Variants in PDXK observed in about 807,000 individuals in gnomAD.
PDXK encodes the protein epididymis secretory sperm binding protein Li 1a.
In PDXK, 15 loss-of-function variants were observed where a neutral mutation model predicts 43.2. The ratio of observed to expected loss-of-function variants is 0.35; its 90% confidence interval spans 0.23 to 0.53. The LOEUF is 0.53. Ranked by LOEUF, PDXK falls within the 20% of genes least tolerant of loss-of-function variation. The pLI is 0.92. For missense variants in PDXK, 343 were observed against 417.0 expected, an observed-to-expected ratio of 0.82 and a Z score of 1.54; for synonymous variants, 172 against 165.4, an observed-to-expected ratio of 1.04 and a Z score of -0.31.
In PDXK at chr21:43,737,352, C is replaced by T. The variant is rs376087472; in HGVS notation, c.142+3229C>T. 108 of 1,299,600 alleles carry T rather than the reference C, an allele frequency of 8.3e-5. 1 individual carries two copies. In the African/African-American group the frequency reaches 1.5e-3, roughly 19 times the overall value. 80.5% of individuals were successfully genotyped at this position (1,299,600 alleles called of 1,614,324 possible). A position where few individuals can be genotyped will look rare whatever the true frequency, so the allele number is the denominator to read the frequency against. The stretch of plus-strand genomic sequence containing the variant: ...CCGGCCAGGCCCCCGTTCCTTGAGG[C>T]CGTACCACAAGGTGCGTTCATTTTT... On this transcript the variant is annotated intron_variant, in intron 2 of 10. Coordinates refer to ENST00000291565, the MANE Select transcript of PDXK (RefSeq NM_003681.5). The surrounding 1 kb of genome is among the most constrained non-coding windows in gnomAD (Gnocchi z 4.8).
rs2083422391 is a variant in PDXK, at chr21:43,737,335, GC to G, written c.142+3217del. On this transcript the variant is annotated intron_variant, in intron 2 of 10. Coordinates refer to ENST00000291565, the MANE Select transcript of PDXK (RefSeq NM_003681.5). The surrounding 1 kb of genome is among the most constrained non-coding windows in gnomAD (Gnocchi z 4.8). ...CACTTCTGCCCCTTCCCCCGGCCAG[GC>G]CCCCGTTCCTTGAGGCCGTACCACA... 3.6e-5 allele frequency: 48 copies of G among 1,339,362 alleles called. No homozygotes were observed. In the South Asian group the frequency reaches 7.8e-4, roughly 22 times the overall value. 83.0% of individuals were successfully genotyped at this position (1,339,362 alleles called of 1,614,324 possible).
intron 7 of PDXK, 38 bp from the exon 8 acceptor site, chr21:43,752,480 T>A: frequency 1.4e-6 from 2 of 1,403,382 alleles, no homozygotes; most frequent in Non-Finnish European, 1.0e-6. Flanking sequence ...GGCTGACATG[T>A]GACCGGCCGT....
intron 5 of PDXK, among the ~76,000 whole-genome samples, chr21:43,746,927 G>A (rs2083648854): frequency 6.6e-6 from 1 of 152,154 alleles, no homozygotes; most frequent in Admixed American, 6.5e-5. Context: ...GAGCCCAGGA[G>A]TTCAAGACCA....
chr21:43,752,102 TGTG>T (rs1459329680), intron 7 of PDXK, among the ~76,000 whole-genome samples: 1 of 33,470 alleles, frequency 3.0e-5, no homozygotes, highest in African/African-American at 1.6e-4. Context: ...ATGCAGCACA[TGTG>T]TGTGTGTGTG....
chr21:43,721,529 T>C (rs999124570), intron 1 of PDXK, among the ~76,000 whole-genome samples: 38 of 152,350 alleles, frequency 2.5e-4, no homozygotes, highest in African/African-American at 9.1e-4. Flanking sequence ...TTATGGGGAC[T>C]GACCCAGGTG....
At chr21:43,742,043 A>C (rs1282634323) in intron 3 of PDXK, among the ~76,000 whole-genome samples, 1 of 152,106 alleles carries the variant, frequency 6.6e-6, no homozygotes, top group Non-Finnish European at 1.5e-5. Flanking sequence ...GGGAGGGTGC[A>C]GGCAGGGTGT....
intron 5 of PDXK, among the ~76,000 whole-genome samples, chr21:43,748,745 G>A (rs2083681340): frequency 6.6e-6 from 1 of 152,038 alleles, no homozygotes; most frequent in African/African-American, 2.4e-5. Flanking sequence ...ACTCTGTGGG[G>A]ACCCACTGTG....
At chr21:43,750,091 C>G (rs2083708156) in intron 6 of PDXK, among the ~76,000 whole-genome samples, 2 of 152,212 alleles carry the variant, frequency 1.3e-5, no homozygotes, top group African/African-American at 4.8e-5. Context: ...TGGGCCTGTC[C>G]AAACTTGGGG....
chr21:43,737,050 C>T lies in PDXK; in HGVS notation c.142+2927C>T. 1.4e-6 allele frequency: 1 copy of T among 732,988 alleles called. No individual in the cohort carries two copies. Among genetic ancestry groups the T allele is most frequent in the Non-Finnish European group, 2.4e-6 (1 of 412,700 alleles). 45.4% of individuals were successfully genotyped at this position (732,988 alleles called of 1,614,324 possible). A position where few individuals can be genotyped will look rare whatever the true frequency, so the allele number is the denominator to read the frequency against. On this transcript the variant is annotated intron_variant, in intron 2 of 10. Coordinates refer to ENST00000291565, the MANE Select transcript of PDXK (RefSeq NM_003681.5). This position sits in a 1 kb window ranked among gnomAD's most constrained non-coding sequence, Gnocchi z 4.8. ...TGGGCTGAAGCAATCTTTCTGCCTCCACCTCCCGAGTGGCTGGGACTATAG... is the reference window on the plus strand; with the variant it reads ...TGGGCTGAAGCAATCTTTCTGCCTCTACCTCCCGAGTGGCTGGGACTATAG...
intron 1 of PDXK, chr21:43,733,648 G>A (rs185435876): frequency 1.1e-4 from 115 of 1,057,136 alleles, no homozygotes; most frequent in Admixed American, 1.5e-4. Context: ...TGGGGTAGAC[G>A]CCCACATTTT....
At chr21:43,745,870 G>T in intron 4 of PDXK, 1 of 593,968 alleles carries the variant, frequency 1.7e-6, no homozygotes, top group South Asian at 1.9e-5. Flanking sequence ...GCTGCTGCAT[G>T]CCTGTGGTCT....
Position 43,734,629 on chromosome 21 carries a change from G to T in PDXK, c.142+506G>T, listed in dbSNP as rs2083374196. Among the ~76,000 whole-genome samples the T allele has an allele frequency of 2.6e-5, 4 of 152,080 alleles. No individual in the cohort carries two copies. Among genetic ancestry groups the T allele is most frequent in the Admixed American group, 2.6e-4 (4 of 15,258 alleles). ...GGTTTTCTCTGTTAACAGCAGTGCT[G>T]CAGGGCCCCGTGTGTGCCTCTGTCT... On this transcript the variant is annotated intron_variant, in intron 2 of 10. Coordinates refer to ENST00000291565, the MANE Select transcript of PDXK (RefSeq NM_003681.5). The surrounding 1 kb of genome is among the most constrained non-coding windows in gnomAD (Gnocchi z 5.0).
At chr21:43,755,414 C>T (rs900517358) in intron 9 of PDXK, 3 of 456,546 alleles carry the variant, frequency 6.6e-6, no homozygotes, top group Non-Finnish European at 1.2e-5. Flanking sequence ...CTCCTGCTGC[C>T]TGCCAAGTTC....
chr21:43,750,601 G>A lies in PDXK; in HGVS notation c.510+56G>A, dbSNP rs1043816328. ...CACATGTGCCGCTCACGGTGGGGAC[G>A]GGAGACAGGCTGCCTGAGTGGCACC... is the stretch of plus-strand genomic sequence containing the variant. On this transcript the variant is annotated intron_variant, in intron 7 of 10. Coordinates refer to ENST00000291565, the MANE Select transcript of PDXK (RefSeq NM_003681.5). 4.1e-5 allele frequency: 58 copies of A among 1,419,308 alleles called. No individual in the cohort carries two copies. In the East Asian group the frequency reaches 9.1e-4, roughly 22 times the overall value. 87.9% of individuals were successfully genotyped at this position (1,419,308 alleles called of 1,614,324 possible).
chr21:43,747,905 C>T (rs1412082129), intron 5 of PDXK, among the ~76,000 whole-genome samples: 1 of 152,226 alleles, frequency 6.6e-6, no homozygotes, highest in Non-Finnish European at 1.5e-5. Flanking sequence ...CCTTCGATTT[C>T]CTGGTCCAGG....
At position 43,737,768 on chromosome 21, in the gene PDXK, C is replaced by A; in HGVS notation, c.142+3645C>A. The A allele has an allele frequency of 1.0e-6, 1 of 985,440 alleles. No homozygotes were observed. Among genetic ancestry groups the A allele is most frequent in the Non-Finnish European group, 1.2e-6 (1 of 829,914 alleles). The allele number at this position is 985,440 out of a possible 1,614,324, so 61.0% of individuals were successfully genotyped here. On this transcript the variant is annotated intron_variant, in intron 2 of 10. Coordinates refer to ENST00000291565, the MANE Select transcript of PDXK (RefSeq NM_003681.5). The surrounding 1 kb of genome is among the most constrained non-coding windows in gnomAD (Gnocchi z 4.8). ...GGCCAGGCCGGGCCAGACTCCCTGG[C>A]CGGCTGGGATCTGACAGGAGTGCCA...
At chr21:43,733,266 C>CCCA (rs2083349082) in intron 1 of PDXK, among the ~76,000 whole-genome samples, 1 of 103,474 alleles carries the variant, frequency 9.7e-6, no homozygotes, top group African/African-American at 3.5e-5. Flanking sequence ...CCCCCCCCCG[C>CCCA]CCCCCCCGCC....
chr21:43,742,172 A>G (rs976063137), intron 3 of PDXK, among the ~76,000 whole-genome samples: 4 of 152,090 alleles, frequency 2.6e-5, no homozygotes, highest in African/African-American at 9.7e-5. Context: ...GTATTTGTAT[A>G]CATGTTTATT....
chr21:43,753,576 C>T lies in PDXK; in HGVS notation c.623-7C>T. 2 of 1,608,474 alleles carry T rather than the reference C, an allele frequency of 1.2e-6. No individual in the cohort carries two copies. The highest frequency in any genetic ancestry group is 1.7e-6 in the Non-Finnish European group (2 of 1,176,420). On this transcript the variant is annotated splice_polypyrimidine_tract_variant and splice_region_variant and intron_variant, in intron 8 of 10. Coordinates refer to ENST00000291565, the MANE Select transcript of PDXK (RefSeq NM_003681.5). The stretch of plus-strand genomic sequence containing the variant: ...TCTCAGTGACCTTGCCCATCTTCTC[C>T]CCCTAGGGAATCCCGCTGGCTCCGT...
Sources: gnomAD v4.1 joint callset for allele counts (sites outside exome capture counted in the v4.1 genomes callset) on GRCh38, gnomAD v4.1.1 for gene constraint, Gnocchi (gnomAD v3.1) non-coding constraint, MANE v1.5 for transcripts, NCBI Gene and HGNC (gene_info 2026-07-23, HGNC 2026-07-21) for gene names.